Variants in TTC17 observed in about 807,000 individuals in gnomAD.
The protein encoded by TTC17 is tetratricopeptide repeat domain 17.
In TTC17, 58 loss-of-function variants were observed where a neutral mutation model predicts 143.8. The ratio of observed to expected loss-of-function variants is 0.40; its 90% CI spans 0.33 to 0.50. The LOEUF (loss-of-function observed/expected upper bound fraction) is 0.50, where lower values mean the gene tolerates loss of function less well. TTC17 is among the 20% of genes least tolerant of loss of function. The pLI, the probability that TTC17 is intolerant of heterozygous loss-of-function variation, is 0.49. For missense variants in TTC17, 1,273 were observed against 1,392.5 expected (o/e 0.91, Z 1.37); for synonymous variants, 501 against 497.8 (o/e 1.01, Z -0.09).
rs777877336 is a variant in TTC17 at position 43,493,826 on chromosome 11, C to T, written c.3348C>T (p.Pro1116=). Residue 1116 remains proline (P), a synonymous_variant, in exon 24 of 24, where the codon CCC becomes CCT. Coordinates refer to ENST00000039989, the MANE Select transcript of TTC17 (RefSeq NM_018259.6). ...ATGAATCCACATTGAAGCTTCAGCC[C>T]GAGTTTGTCCCAGCCAAGAACCGAA... ...VWYESTLKLQ[P]EFVPAKNRIQ... is the part of the protein sequence containing the mutation. The T allele has an allele frequency of 5.6e-6, 9 of 1,613,902 alleles. No individual in the cohort carries two copies. In the East Asian group the frequency reaches 8.9e-5, roughly 16 times the overall value.
intron 1 of TTC17, among the ~76,000 whole-genome samples, chr11:43,366,774 G>T (rs939470820): frequency 2.2e-4 from 33 of 152,102 alleles, no homozygotes; most frequent in African/African-American, 8.0e-4. Flanking sequence ...GCCTTATCTC[G>T]GGTCATCCTT....
chr11:43,406,570 T>C (rs549711647), intron 13 of TTC17, among the ~76,000 whole-genome samples: 2 of 125,786 alleles, frequency 1.6e-5, no homozygotes, highest in East Asian at 3.9e-4. Context: ...AACCACCTTT[T>C]TTTTTTTAAG....
At chr11:43,415,924 G>A (rs1021133944) in intron 16 of TTC17, among the ~76,000 whole-genome samples, 1 of 152,170 alleles carries the variant, frequency 6.6e-6, no homozygotes, top group Admixed American at 6.5e-5. Flanking sequence ...ATAGAGTGGA[G>A]TGGCTAGCAC....
Position 43,405,793 on chromosome 11 carries a change from G to A in TTC17, c.1603G>A (p.Glu535Lys), listed in dbSNP as rs749725093. 22 of 1,613,328 alleles carry A rather than the reference G, an allele frequency of 1.4e-5. No individual in the cohort carries two copies. Among genetic ancestry groups the A allele is most frequent in the South Asian group, 5.5e-5 (5 of 90,938 alleles). The change falls in exon 13 of 24, where the codon GAA (glutamate) becomes AAA (lysine). Residue 535 changes from glutamate to lysine, a missense_variant. This residue lies in a region of TTC17 where 878 missense variants were observed against 899.8 expected (regional missense o/e 0.98). Coordinates refer to ENST00000039989, the MANE Select transcript of TTC17 (RefSeq NM_018259.6). Reference protein sequence around the residue: ...PPENKGLRIHELSSDDYSTEE... With the variant: ...PPENKGLRIHKLSSDDYSTEE... ...TCCTTTTTCTTGTGCCAGGATCCAC[G>A]AACTCAGCAGTGATGATTATTCTAC...
intron 21 of TTC17, among the ~76,000 whole-genome samples, chr11:43,452,026 A>T (rs1947667610): frequency 2.6e-5 from 4 of 152,186 alleles, no homozygotes. Flanking sequence ...AAGGATTGCC[A>T]AAAGTGGTTA....
intron 21 of TTC17, among the ~76,000 whole-genome samples, chr11:43,476,732 A>G (rs1948190816): frequency 6.6e-6 from 1 of 152,206 alleles, no homozygotes; most frequent in South Asian, 2.1e-4. Context: ...CCCAGCCCAC[A>G]AAACCACTTT....
In TTC17 at chr11:43,402,429, C is replaced by G. The variant is rs182105131; in HGVS notation, c.1332+871C>G. On this transcript the variant is annotated intron_variant, in intron 10 of 23. Transcript: ENST00000039989. ...CTCTCACTTTCTGTCGCTGTATATA[C>G]ACACGTGTATACACACACACATACA... Among the ~76,000 whole-genome samples, 138 of 152,238 alleles carry G rather than the reference C, an allele frequency of 9.1e-4. 1 individual carries two copies. Among genetic ancestry groups the G allele is most frequent in the Non-Finnish European group, 1.1e-3 (75 of 68,008 alleles).
chr11:43,424,067 A>G (rs1252377993), intron 16 of TTC17, among the ~76,000 whole-genome samples: 3 of 150,942 alleles, frequency 2.0e-5, no homozygotes, highest in Non-Finnish European at 4.4e-5. Flanking sequence ...AGGAGATGAA[A>G]CCAATAATCA....
chr11:43,485,884 T>G (rs1384481009), intron 21 of TTC17, among the ~76,000 whole-genome samples: 4 of 59,220 alleles, frequency 6.8e-5, no homozygotes, highest in Non-Finnish European at 1.2e-4. Flanking sequence ...TGGTTTTTTG[T>G]TTTTTTTTTT....
intron 21 of TTC17, among the ~76,000 whole-genome samples, chr11:43,474,287 T>G (rs373918192): frequency 6.6e-6 from 1 of 152,118 alleles, no homozygotes; most frequent in South Asian, 2.1e-4. Context: ...AAAAAAATAA[T>G]ATCTTAGGAT....
intron 19 of TTC17, chr11:43,449,095 C>A (rs913362361): frequency 1.3e-5 from 2 of 152,450 alleles, no homozygotes; most frequent in African/African-American, 4.8e-5. Flanking sequence ...GGTCCTCTTG[C>A]TCTGTTCACT....
intron 21 of TTC17, among the ~76,000 whole-genome samples, chr11:43,464,095 A>G (rs1342749050): frequency 6.6e-6 from 1 of 152,036 alleles, no homozygotes; most frequent in Non-Finnish European, 1.5e-5. Flanking sequence ...GGCCAACATG[A>G]TGAAACTCCA....
At chr11:43,426,274 C>A (rs557369781) in intron 16 of TTC17, among the ~76,000 whole-genome samples, 1 of 152,342 alleles carries the variant, frequency 6.6e-6, no homozygotes, top group Admixed American at 6.5e-5. Flanking sequence ...GAGTAAGATC[C>A]TGGAAACCAT....
chr11:43,447,851 T>C, intron 18 of TTC17, 151 bp from the exon 19 acceptor site: 1 of 896,276 alleles, frequency 1.1e-6, no homozygotes, highest in Non-Finnish European at 1.6e-6. Flanking sequence ...GAGATTTTAA[T>C]TAGATCATAG....
chr11:43,477,851 G>C lies in TTC17; in HGVS notation c.3031-12388G>C, dbSNP rs1029474701. On this transcript the variant is annotated intron_variant, in intron 21 of 23. Coordinates refer to ENST00000039989, the MANE Select transcript of TTC17 (RefSeq NM_018259.6). ...GGGGATAAGCAATTGATGAGGGAAA[G>C]TCTCTCTAGGAATATTACGATTAAT... Among the ~76,000 whole-genome samples, 24 of 152,098 alleles carry C rather than the reference G, an allele frequency of 1.6e-4. 1 individual carries two copies. Among genetic ancestry groups the C allele is most frequent in the African/African-American group, 5.8e-4 (24 of 41,416 alleles).
At chr11:43,490,967 C>T (rs1338507625) in intron 22 of TTC17, 3 of 150,624 alleles carry the variant, frequency 2.0e-5, no homozygotes, top group African/African-American at 4.9e-5. Context: ...TTTATCAGCA[C>T]ATTTGTATTC....
At chr11:43,372,037 A>G (rs753866120) in intron 1 of TTC17, among the ~76,000 whole-genome samples, 3 of 152,040 alleles carry the variant, frequency 2.0e-5, no homozygotes, top group African/African-American at 7.2e-5. Context: ...ACACCAGTCC[A>G]CTCTAGCCTT....
Position 43,414,572 on chromosome 11 carries a change from A to G in TTC17, c.2065-18A>G. 6.4e-7 allele frequency: 1 copy of G among 1,573,574 alleles called. No individual in the cohort carries two copies. The highest frequency in any genetic ancestry group is 8.6e-7 in the Non-Finnish European group (1 of 1,159,486). ...ATATTAGTTCATTAACATTTTGCCG[A>G]TTTTTTTTTCTTTTCAGCCTCTGAC... On this transcript the variant is annotated intron_variant, in intron 15 of 23. Transcript: ENST00000039989.
chr11:43,492,905 C>T (rs1948498127), intron 23 of TTC17, among the ~76,000 whole-genome samples: 1 of 152,254 alleles, frequency 6.6e-6, no homozygotes, highest in Non-Finnish European at 1.5e-5. Flanking sequence ...TAAAATGTGG[C>T]ATCACACATA....
Sources: gnomAD v4.1 joint callset for allele counts (sites outside exome capture counted in the v4.1 genomes callset) on GRCh38, gnomAD v4.1.1 for gene constraint, gnomAD v4.1.1 regional missense constraint, MANE v1.5 for transcripts, NCBI Gene and HGNC (gene_info 2026-07-23, HGNC 2026-07-21) for gene names.